Variants in NHLRC2 observed in about 807,000 individuals in gnomAD.
The protein encoded by NHLRC2 is NHL repeat containing 2.
Under a neutral mutation model 68.1 loss-of-function variants are expected in NHLRC2, and 33 were observed. The observed-to-expected ratio is 0.48, with a 90% CI of 0.37 to 0.65. NHLRC2 has a LOEUF of 0.65. Ranked by LOEUF, NHLRC2 falls within the 30% of genes least tolerant of loss-of-function variation. NHLRC2 has a pLI of 0.00. For synonymous variants in NHLRC2, 311 were observed against 309.6 expected (o/e 1.00, Z -0.05); for missense variants, 761 against 853.8 (o/e 0.89, Z 1.35).
At chr10:113,894,453 G>A (rs1055809731) in intron 5 of NHLRC2, among the ~76,000 whole-genome samples, 1 of 152,124 alleles carries the variant, frequency 6.6e-6, no homozygotes, top group Non-Finnish European at 1.5e-5. Flanking sequence ...TATTGACCCT[G>A]TACCCAACAA....
Position 113,912,231 on chromosome 10 carries a change from G to A in NHLRC2, c.*3695G>A, listed in dbSNP as rs1231618873. The A allele has an allele frequency of 6.6e-6, 1 of 152,148 alleles. No homozygotes were observed. Among genetic ancestry groups the A allele is most frequent in the African/African-American group, 2.4e-5 (1 of 41,446 alleles). 9.4% of individuals were successfully genotyped at this position (152,148 alleles called of 1,614,324 possible). ...TATTCAATGAAATATTGTGTGTACA[G>A]CACTTAGTAATTAATGAAACTGGTA... On this transcript the variant is annotated 3_prime_UTR_variant, in exon 11 of 11. Coordinates refer to ENST00000369301, the MANE Select transcript of NHLRC2 (RefSeq NM_198514.4).
In NHLRC2 at chr10:113,879,888, A is replaced by C. The variant is rs189836300; in HGVS notation, c.909+193A>C. 3.0e-3 allele frequency among the ~76,000 whole-genome samples: 458 copies of C among 152,178 alleles called. 4 individuals are homozygous for C. Among genetic ancestry groups the C allele is most frequent in the Non-Finnish European group, 4.2e-3 (286 of 67,948 alleles). ...TTTGTGTCAGTATGTATTTGTCACA[A>C]AAGAAAACCCCATTCAGTTCTTTTT... On this transcript the variant is annotated intron_variant, in intron 4 of 10. Coordinates refer to ENST00000369301, the MANE Select transcript of NHLRC2 (RefSeq NM_198514.4).
chr10:113,907,112 A>T (rs1341033969), intron 10 of NHLRC2, among the ~76,000 whole-genome samples: 1 of 152,380 alleles, frequency 6.6e-6, no homozygotes, highest in Admixed American at 6.5e-5. Context: ...AAGAGAATTT[A>T]AAAAGAATTC....
At chr10:113,904,391 TA>T (rs1248839440) in intron 9 of NHLRC2, among the ~76,000 whole-genome samples, 15 of 152,166 alleles carry the variant, frequency 9.9e-5, no homozygotes, top group African/African-American at 3.4e-4. Context: ...TTGCACGGTA[TA>T]TTTTTAAAAG....
chr10:113,898,257 A>G (rs1336873927), intron 6 of NHLRC2, 48 bp downstream of exon 6: 2 of 1,272,072 alleles, frequency 1.6e-6, no homozygotes, highest in Admixed American at 1.7e-5. Context: ...CTTGGTGTTC[A>G]TATAATTTCT....
Position 113,880,425 on chromosome 10 carries a change from C to T in NHLRC2, c.909+730C>T, listed in dbSNP as rs367864705. On this transcript the variant is annotated intron_variant, in intron 4 of 10. Transcript: ENST00000369301. ...TATCACATTCCATTGTAGATGTACT[C>T]GGTTATTTCAGACATTTCCTCCTGA... Among the ~76,000 whole-genome samples the T allele has an allele frequency of 4.0e-5, 6 of 151,696 alleles. No individual in the cohort carries two copies. In the East Asian group the frequency reaches 9.7e-4, roughly 24 times the overall value.
chr10:113,901,544 C>T (rs981563664), intron 6 of NHLRC2, 122 bp from the exon 7 acceptor site: 1 of 668,030 alleles, frequency 1.5e-6, no homozygotes, highest in Non-Finnish European at 2.7e-6. Context: ...ACCAAGATCA[C>T]TAGTTTGTTT....
At position 113,855,083 on chromosome 10, in the gene NHLRC2, C is replaced by T. The variant is rs763090981; in HGVS notation, c.178+33C>T. 6 of 1,525,308 alleles carry T rather than the reference C, an allele frequency of 3.9e-6. No individual in the cohort carries two copies. The Admixed American group carries it at 7.9e-5, about 20-fold the overall frequency. The allele number at this position is 1,525,308 out of a possible 1,614,324, so 94.5% of individuals were successfully genotyped here. A position where few individuals can be genotyped will look rare whatever the true frequency, so the allele number is the denominator to read the frequency against. On this transcript the variant is annotated intron_variant, in intron 1 of 10. Transcript: ENST00000369301. ...GCTGGCGTCGGGGTGGGGGCCCCTC[C>T]CGGCACCTCCCCTTCCTCGGGGACG...
At position 113,912,597 on chromosome 10, in the gene NHLRC2, G is replaced by T. The variant is rs1846339559; in HGVS notation, c.*4061G>T. 1 of 152,152 alleles carries T rather than the reference G, an allele frequency of 6.6e-6. No homozygotes were observed. Among genetic ancestry groups the T allele is most frequent in the African/African-American group, 2.4e-5 (1 of 41,432 alleles). 9.4% of individuals were successfully genotyped at this position (152,152 alleles called of 1,614,324 possible). A position where few individuals can be genotyped will look rare whatever the true frequency, so the allele number is the denominator to read the frequency against. On this transcript the variant is annotated 3_prime_UTR_variant, in exon 11 of 11. Transcript: ENST00000369301. ...CATATGCCCAACAACCTGCACCAGA[G>T]TACTTATATCTTAACCAAAAAGTTT... is the stretch of plus-strand genomic sequence containing the variant.
chr10:113,875,091 C>T (rs116380099), intron 2 of NHLRC2, among the ~76,000 whole-genome samples: 69 of 151,410 alleles, frequency 4.6e-4, no homozygotes, highest in African/African-American at 1.7e-3. Context: ...TTTCCTTGTT[C>T]TTTTCTTTGA....
At chr10:113,877,055 T>C in intron 3 of NHLRC2, 79 bp downstream of exon 3, 1 of 839,616 alleles carries the variant, frequency 1.2e-6, no homozygotes, top group Non-Finnish European at 1.8e-6. Context: ...AAAGTTGAAA[T>C]GTCTAAATGA....
chr10:113,877,011 T>G (rs763347609), intron 3 of NHLRC2, 35 bp downstream of exon 3: 10 of 1,244,458 alleles, frequency 8.0e-6, no homozygotes, highest in Non-Finnish European at 1.0e-5. Flanking sequence ...AGATAACGTG[T>G]TTTACAGTAA....
At chr10:113,894,688 G>T (rs1331915028) in intron 5 of NHLRC2, among the ~76,000 whole-genome samples, 1 of 151,884 alleles carries the variant, frequency 6.6e-6, no homozygotes, top group Non-Finnish European at 1.5e-5. Flanking sequence ...TCTTAAGTAG[G>T]ATGTTTGCTG....
intron 2 of NHLRC2, among the ~76,000 whole-genome samples, chr10:113,862,899 A>G (rs1428564838): frequency 6.6e-6 from 1 of 152,200 alleles, no homozygotes; most frequent in Non-Finnish European, 1.5e-5. Context: ...CCAGCTACTC[A>G]GGAGGCTGAG....
chr10:113,854,804 G>C lies in NHLRC2; in HGVS notation c.-69G>C. On this transcript the variant is annotated 5_prime_UTR_variant, in exon 1 of 11. It removes the in-frame stop codon of an upstream open reading frame in the 5' UTR. Coordinates refer to ENST00000369301, the MANE Select transcript of NHLRC2 (RefSeq NM_198514.4). ...CGCCGTTTGGAAACCACAGGACAGT[G>C]AACGTTTCGTCTCTCCCAGCGAGAC... The C allele has an allele frequency of 7.3e-7, 1 of 1,363,686 alleles. No individual in the cohort carries two copies. The highest frequency in any genetic ancestry group is 9.9e-7 in the Non-Finnish European group (1 of 1,006,972). The allele number at this position is 1,363,686 out of a possible 1,614,324, so 84.5% of individuals were successfully genotyped here.
chr10:113,879,899 C>T (rs530817611), intron 4 of NHLRC2, among the ~76,000 whole-genome samples: 24 of 152,050 alleles, frequency 1.6e-4, no homozygotes, highest in African/African-American at 5.5e-4. Context: ...AAGAAAACCC[C>T]ATTCAGTTCT....
At chr10:113,880,033 A>G (rs1846022678) in intron 4 of NHLRC2, among the ~76,000 whole-genome samples, 1 of 152,076 alleles carries the variant, frequency 6.6e-6, no homozygotes, top group South Asian at 2.1e-4. Context: ...TTCTCAAACT[A>G]GAAAAAAAAT....
intron 5 of NHLRC2, among the ~76,000 whole-genome samples, chr10:113,893,817 C>G (rs1024313948): frequency 6.6e-6 from 1 of 152,204 alleles, no homozygotes; most frequent in African/African-American, 2.4e-5. Context: ...ACCAACATAG[C>G]TCTCCTTTGC....
chr10:113,872,533 A>C (rs562824183), intron 2 of NHLRC2, among the ~76,000 whole-genome samples: 2 of 152,236 alleles, frequency 1.3e-5, no homozygotes, highest in South Asian at 2.1e-4. Context: ...CTTAGTCAGC[A>C]TTTAGGAATA....
Sources: gnomAD v4.1 joint callset for allele counts (sites outside exome capture counted in the v4.1 genomes callset) on GRCh38, gnomAD v4.1.1 for gene constraint, MANE v1.5 for transcripts, NCBI Gene and HGNC (gene_info 2026-07-23, HGNC 2026-07-21) for gene names.